Variants in SFTPD observed in about 807,000 individuals in gnomAD.
SFTPD encodes pulmonary surfactant-associated protein D.
A neutral mutation model predicts 34.6 loss-of-function variants in SFTPD; 18 were observed. The observed-to-expected ratio is 0.52, with a 90% CI of 0.36 to 0.77. SFTPD has a LOEUF of 0.77. SFTPD is among the 30% of genes least tolerant of loss of function. The pLI, the probability that SFTPD is intolerant of heterozygous loss-of-function variation, is 0.00. For synonymous variants in SFTPD, 155 were observed against 180.9 expected, an observed-to-expected ratio of 0.86 and a Z score of 1.15; for missense variants, 433 against 468.9, an observed-to-expected ratio of 0.92 and a Z score of 0.71.
At position 79,964,541 on chromosome 10, in the gene SFTPD, A is replaced by G. The variant is rs140308105; in HGVS notation, c.37-17879T>C. Among the ~76,000 whole-genome samples the G allele has an allele frequency of 4.8e-3, 734 of 152,272 alleles. 1 individual carries two copies. The highest frequency in any genetic ancestry group is 8.4e-3 in the Non-Finnish European group (572 of 68,028). On this transcript the variant is annotated intron_variant, in intron 1 of 5. Coordinates refer to the SFTPD transcript ENST00000444384. The stretch of plus-strand genomic sequence containing the variant: ...GCAAATGGTTCTTGGACCAAGGAAA[A>G]TATCTCCTTCCAGCCTCACAGGCCC...
intron 2 of SFTPD, among the ~76,000 whole-genome samples, chr10:79,943,576 T>C (rs187713160): frequency 1.9e-4 from 29 of 152,228 alleles, no homozygotes; most frequent in African/African-American, 6.5e-4. Flanking sequence ...ATTTCAGGCT[T>C]GGAAGCCATG....
intron 1 of SFTPD, among the ~76,000 whole-genome samples, chr10:79,974,084 G>A (rs4335481): frequency 0.077 from 11,707 of 151,916 alleles, 915 homozygotes; most frequent in East Asian, 0.39. Context: ...CCTTAAATAA[G>A]CTGAAAAATT....
chr10:79,970,923 T>C (rs1727077562), intron 1 of SFTPD: 1 of 152,140 alleles, frequency 6.6e-6, no homozygotes, highest in Non-Finnish European at 1.5e-5. Flanking sequence ...GTGGTGAGAG[T>C]GGGCATCCTT....
At chr10:79,962,821 A>G (rs1229507691) in intron 1 of SFTPD, among the ~76,000 whole-genome samples, 2 of 151,892 alleles carry the variant, frequency 1.3e-5, no homozygotes, top group African/African-American at 4.8e-5. Context: ...TATAAATTTA[A>G]CCCACTCTTT....
intron 7 of SFTPD, among the ~76,000 whole-genome samples, 174 bp downstream of exon 7, chr10:79,940,531 C>T (rs1455828174): frequency 6.6e-6 from 1 of 152,194 alleles, no homozygotes; most frequent in Non-Finnish European, 1.5e-5. Context: ...CCCCCTGCCA[C>T]AGTCCCAGGT....
intron 2 of SFTPD, among the ~76,000 whole-genome samples, chr10:79,943,355 G>A (rs1386869097): frequency 6.6e-6 from 1 of 152,182 alleles, no homozygotes; most frequent in Non-Finnish European, 1.5e-5. Flanking sequence ...TAGGCAAGAT[G>A]CAAATCTGAG....
rs1349939217 is a variant in SFTPD, at chr10:79,968,203, TA to T, written c.36+14371del. 6 of 120,104 alleles carry T rather than the reference TA, an allele frequency of 5.0e-5. No homozygotes were observed. The South Asian group carries it at 9.6e-4, about 19-fold the overall frequency. The allele number at this position is 120,104 out of a possible 1,614,324, so 7.4% of individuals were successfully genotyped here. A position where few individuals can be genotyped will look rare whatever the true frequency, so the allele number is the denominator to read the frequency against. Reference sequence around the variant, plus strand: ...AATTTTTAAAAATAATTTCAACTTTTATTTTAGATTTAGGGTGTACCTGTGC... The same window carrying T: ...AATTTTTAAAAATAATTTCAACTTTTTTTTAGATTTAGGGTGTACCTGTGC... On this transcript the variant is annotated intron_variant, in intron 1 of 5. Coordinates refer to the SFTPD transcript ENST00000444384.
chr10:79,942,851 C>T lies in SFTPD; in HGVS notation c.228G>A (p.Gly76=), dbSNP rs865817215. Residue 76 remains glycine, a synonymous_variant, in exon 3 of 8, where the codon GGG becomes GGA. Transcript: ENST00000372292. Reference sequence around the variant, plus strand: ...CAACTGGGCCAGCTTGTCCAGGCATCCCTGCTTGCCCTGCAGCTCCTGGCA... The same window carrying T: ...CAACTGGGCCAGCTTGTCCAGGCATTCCTGCTTGCCCTGCAGCTCCTGGCA... ...PGLPGAAGQA[G]MPGQAGPVGP... is the part of the protein sequence containing the mutation. 2 of 1,613,746 alleles carry T rather than the reference C, an allele frequency of 1.2e-6. No homozygotes were observed. The highest frequency in any genetic ancestry group is 2.7e-5 in the African/African-American group (2 of 75,038).
In SFTPD at chr10:79,941,939, C is replaced by G. The variant is rs866720804; in HGVS notation, c.550+15G>C. On this transcript the variant is annotated intron_variant, in intron 5 of 7. Transcript: ENST00000372292. ...GAACTGGACCCAGCCCAGCCCAGCT[C>G]TTTCCACTGCTCACCTGCTGCCCCT... The G allele has an allele frequency of 5.1e-6, 8 of 1,560,748 alleles. No individual in the cohort carries two copies. The highest frequency in any genetic ancestry group is 1.7e-5 in the Admixed American group (1 of 59,880).
In SFTPD at chr10:79,942,040, G is replaced by A. The variant is rs148025651; in HGVS notation, c.464C>T (p.Ser155Leu). The stretch of plus-strand genomic sequence containing the variant: ...GCCTGCGAGGCCTCTTGCCCCTGCC[G>A]AGCCCTGCATGCCTGGGGCACCTAC... ...GEVGAPGMQGSAGARGLAGPK... is the reference protein window; with the variant it reads ...GEVGAPGMQGLAGARGLAGPK... The change falls in exon 5 of 8, where the codon TCG becomes TTG. Residue 155 changes from serine to leucine, a missense_variant. Physicochemically the swap from Ser to Leu is moderately radical, Grantham distance 145. Transcript: ENST00000372292. 56 of 1,613,540 alleles carry A rather than the reference G, an allele frequency of 3.5e-5. 1 individual carries two copies. The South Asian group carries it at 4.3e-4, about 12-fold the overall frequency.
chr10:79,942,746 G>T lies in SFTPD; in HGVS notation c.316+17C>A. ...CCACCACCTGGAAACACCTGAAGTC[G>T]ACACCCAGTTGCTCACCACTTGGCC... On this transcript the variant is annotated intron_variant, in intron 3 of 7. Transcript: ENST00000372292. 1 of 1,497,218 alleles carries T rather than the reference G, an allele frequency of 6.7e-7. No homozygotes were observed. Among genetic ancestry groups the T allele is most frequent in the Non-Finnish European group, 9.3e-7 (1 of 1,073,544 alleles). The allele number at this position is 1,497,218 out of a possible 1,614,324, so 92.7% of individuals were successfully genotyped here. A position where few individuals can be genotyped will look rare whatever the true frequency, so the allele number is the denominator to read the frequency against.
At chr10:79,960,740 A>G (rs1842767465) in intron 1 of SFTPD, among the ~76,000 whole-genome samples, 1 of 152,214 alleles carries the variant, frequency 6.6e-6, no homozygotes, top group African/African-American at 2.4e-5. Flanking sequence ...TTATAGATTC[A>G]AGGCCATCCC....
intron 1 of SFTPD, among the ~76,000 whole-genome samples, chr10:79,976,490 G>A (rs941574064): frequency 6.6e-6 from 1 of 152,184 alleles, no homozygotes; most frequent in African/African-American, 2.4e-5. Context: ...GCTGTTGAAG[G>A]AAGTCTGGTG....
At chr10:79,960,866 G>A (rs1842768214) in intron 1 of SFTPD, among the ~76,000 whole-genome samples, 1 of 152,164 alleles carries the variant, frequency 6.6e-6, no homozygotes, top group Non-Finnish European at 1.5e-5. Context: ...GAACAAAGCT[G>A]GAGGCATCAT....
rs759028331 is a variant in SFTPD, at chr10:79,941,517, G to T, written c.551-3C>A. On this transcript the variant is annotated splice_polypyrimidine_tract_variant and splice_region_variant and intron_variant, in intron 5 of 7. Transcript: ENST00000372292. ...GGGACCCATGGCTCCAGCAGACCCT[G>T]GGGTAAAAGAAGAACTGGGTGAGCT... is the stretch of plus-strand genomic sequence containing the variant. 6.3e-7 allele frequency: 1 copy of T among 1,587,910 alleles called. No homozygotes were observed. Among genetic ancestry groups the T allele is most frequent in the Non-Finnish European group, 8.5e-7 (1 of 1,170,618 alleles).
intron 1 of SFTPD, among the ~76,000 whole-genome samples, chr10:79,980,818 C>T (rs771329224): frequency 2.6e-5 from 4 of 152,224 alleles, no homozygotes; most frequent in South Asian, 2.1e-4. Context: ...TCGATTACGA[C>T]GCTCATTTCC....
At chr10:79,940,659 G>A in intron 7 of SFTPD, 46 bp downstream of exon 7, 2 of 1,251,964 alleles carry the variant, frequency 1.6e-6, no homozygotes, top group African/African-American at 1.5e-5. Flanking sequence ...ATCTAGTGTG[G>A]GGCCCAATGC....
upstream of SFTPD, among the ~76,000 whole-genome samples, chr10:79,949,672 C>T (rs1042800677): frequency 1.3e-5 from 2 of 152,166 alleles, no homozygotes; most frequent in African/African-American, 4.8e-5. Context: ...TGCTCTAGGC[C>T]TCAGAGAGCC....
chr10:79,960,068 A>T (rs201017287), intron 1 of SFTPD, among the ~76,000 whole-genome samples: 22,090 of 151,822 alleles, frequency 0.15, 1,996 homozygotes, highest in East Asian at 0.41. Context: ...CAATAGATGC[A>T]GAAAAGGCCT....
Sources: allele counts gnomAD v4.1 joint callset (sites outside exome capture counted in the v4.1 genomes callset), GRCh38; gene constraint gnomAD v4.1.1; transcripts MANE v1.5; gene names NCBI Gene and HGNC (gene_info 2026-07-23, HGNC 2026-07-21).